CCER2: variants seen among roughly 807,000 people sequenced by gnomAD.
The protein encoded by CCER2 is coiled-coil domain-containing glutamate-rich protein 2.
In CCER2, 20 loss-of-function variants were observed where a neutral mutation model predicts 27.1. That is an observed-to-expected ratio of 0.74 (90% CI 0.52 to 1.07). The LOEUF is 1.07. CCER2 is among the 50% of genes least tolerant of loss of function. The probability of loss-of-function intolerance (pLI) is 0.00; values close to 1 mark genes in which losing one functional copy is unlikely to be tolerated. For synonymous variants in CCER2, 140 were observed against 144.3 expected (o/e 0.97, Z 0.21); for missense variants, 351 against 344.7 (o/e 1.02, Z -0.14).
In CCER2 at chr19:38,909,305, C is replaced by T; in HGVS notation, c.732G>A (p.Leu244=). The T allele has an allele frequency of 6.5e-7, 1 of 1,535,524 alleles. No homozygotes were observed. The highest frequency in any genetic ancestry group is 8.7e-7 in the Non-Finnish European group (1 of 1,146,740). Residue 244 remains leucine (L), a synonymous_variant, in exon 5 of 5, where the codon CTG becomes CTA. Transcript: ENST00000571838. ...TCTTCAGTTCGTCTCTCAAGTGCTC[C>T]AGCTGCTCCACCTCCTTTTCCTGGT... The part of the protein sequence containing the change: ...SEREEKEVEQ[L]EHLRDELKKV...
Position 38,910,834 on chromosome 19 carries a change from G to A in CCER2, c.440C>T (p.Pro147Leu). Reference protein sequence around the residue: ...EEEKEERKRGPMETFEDLWQR... With the variant: ...EEEKEERKRGLMETFEDLWQR... ...CCACAGGTCCTCAAAGGTCTCCATG[G>A]GCCCCCTCTTCCTCTCCTCCTTCTC... The change falls in exon 4 of 5, where the codon CCC (proline) becomes CTC (leucine). Residue 147 changes from proline to leucine, a missense_variant. Transcript: ENST00000571838. 1 of 1,530,350 alleles carries A rather than the reference G, an allele frequency of 6.5e-7. No individual in the cohort carries two copies. Among genetic ancestry groups the A allele is most frequent in the Non-Finnish European group, 8.7e-7 (1 of 1,143,916 alleles). 94.8% of individuals were successfully genotyped at this position (1,530,350 alleles called of 1,614,324 possible).
At position 38,910,736 on chromosome 19, in the gene CCER2, G is replaced by T. The variant is rs1160449141; in HGVS notation, c.538C>A (p.Gln180Lys). 1 of 1,533,500 alleles carries T rather than the reference G, an allele frequency of 6.5e-7. No individual in the cohort carries two copies. The highest frequency in any genetic ancestry group is 8.7e-7 in the Non-Finnish European group (1 of 1,145,634). The allele number at this position is 1,533,500 out of a possible 1,614,324, so 95.0% of individuals were successfully genotyped here. Residue 180 changes from glutamine (Q) to lysine (K), a missense_variant, in exon 4 of 5, where the codon CAG (glutamine) becomes AAG (lysine). Physicochemically the swap from Gln to Lys is moderately conservative, Grantham distance 53. Coordinates refer to ENST00000571838, the MANE Select transcript of CCER2 (RefSeq NM_001243212.2). ...AEKASDKETA[Q>K]FQAEEKGVRV... ...ACCCCCTTCTCCTCTGCCTGGAACTGGGCCGTCTCTTTGTCACTGGCCTTC... is the reference window on the plus strand; with the variant it reads ...ACCCCCTTCTCCTCTGCCTGGAACTTGGCCGTCTCTTTGTCACTGGCCTTC...
In CCER2 at chr19:38,910,552, C is replaced by T. The variant is rs748944969; in HGVS notation, c.711+11G>A. 1.4e-4 allele frequency: 210 copies of T among 1,464,456 alleles called. No individual in the cohort carries two copies. The highest frequency in any genetic ancestry group is 1.7e-4 in the Non-Finnish European group (188 of 1,109,334). The allele number at this position is 1,464,456 out of a possible 1,614,324, so 90.7% of individuals were successfully genotyped here. On this transcript the variant is annotated intron_variant, in intron 4 of 4. Coordinates refer to ENST00000571838, the MANE Select transcript of CCER2 (RefSeq NM_001243212.2). Reference sequence around the variant, plus strand: ...ACTGTGTTGGTGTTCCTCCTTCATCCCCCTACTCACCTCCCTCTCCGAAGC... The same window carrying T: ...ACTGTGTTGGTGTTCCTCCTTCATCTCCCTACTCACCTCCCTCTCCGAAGC...
In CCER2 at chr19:38,909,085, A is replaced by T; in HGVS notation, c.*151T>A. 1.0e-6 allele frequency: 1 copy of T among 989,588 alleles called. No homozygotes were observed. The highest frequency in any genetic ancestry group is 1.6e-5 in the South Asian group (1 of 61,568). The allele number at this position is 989,588 out of a possible 1,614,324, so 61.3% of individuals were successfully genotyped here. The stretch of plus-strand genomic sequence containing the variant: ...GAGCCCAGCCCCCGGCCCAGCTCAG[A>T]CTCACCTCCTTGGGTGTGGTTCCAA... On this transcript the variant is annotated 3_prime_UTR_variant, in exon 5 of 5. Transcript: ENST00000571838.
intron 4 of CCER2, 61 bp from the exon 5 acceptor site, chr19:38,909,386 CTG>C: frequency 6.8e-7 from 1 of 1,462,512 alleles, no homozygotes; most frequent in Non-Finnish European, 9.2e-7. Context: ...ACCTCGGTCA[CTG>C]TGATTGTGGG....
intron 4 of CCER2, among the ~76,000 whole-genome samples, chr19:38,909,992 C>A (rs1469152875): frequency 6.6e-6 from 1 of 152,068 alleles, no homozygotes; most frequent in Non-Finnish European, 1.5e-5. Flanking sequence ...ACCACCTCAG[C>A]CTCCTGAGAG....
rs1228849474 is a variant in CCER2 at position 38,910,696 on chromosome 19, C to T, written c.578G>A (p.Gly193Glu). The T allele has an allele frequency of 2.6e-6, 4 of 1,533,368 alleles. No homozygotes were observed. Among genetic ancestry groups the T allele is most frequent in the Non-Finnish European group, 3.5e-6 (4 of 1,145,560 alleles). 95.0% of individuals were successfully genotyped at this position (1,533,368 alleles called of 1,614,324 possible). ...GGCCCCCTGCCACAGGCTGCGGTCC[C>T]CGCCCAGCACCCGCACCCCCTTCTC... ...AEEKGVRVLG[G>E]DRSLWQGAER... The change falls in exon 4 of 5, where the codon GGG (glycine) becomes GAG (glutamate). Residue 193 changes from glycine (G) to glutamate (E), a missense_variant. By Grantham distance (98) the Gly-to-Glu change is moderately conservative. Transcript: ENST00000571838.
chr19:38,909,432 G>A (rs1974258714), intron 4 of CCER2, 107 bp from the exon 5 acceptor site: 3 of 1,053,644 alleles, frequency 2.8e-6, no homozygotes, highest in South Asian at 2.7e-5. Flanking sequence ...TCCAGCAGCG[G>A]TCGTTCTGAT....
rs965637037 is a variant in CCER2 at position 38,910,977 on chromosome 19, C to T, written c.297G>A (p.Glu99=). 2.7e-5 allele frequency: 41 copies of T among 1,517,324 alleles called. No homozygotes were observed. Among genetic ancestry groups the T allele is most frequent in the Non-Finnish European group, 3.4e-5 (39 of 1,138,116 alleles). The allele number at this position is 1,517,324 out of a possible 1,614,324, so 94.0% of individuals were successfully genotyped here. ...CCTCCTCCTCTTCCTCATCCCTCAC[C>T]TCCTGGCTGGACCTCATCTTCCCAG... ...QEAGKMRSSQ[E]VRDEEEEEVA... Residue 99 remains glutamate, a synonymous_variant, in exon 4 of 5, where the codon GAG becomes GAA. Transcript: ENST00000571838.
chr19:38,912,145 C>T lies in CCER2; in HGVS notation c.14G>A (p.Gly5Glu). Residue 5 changes from glycine to glutamate, a missense_variant, in exon 1 of 5, where the codon GGG becomes GAG. Gly to Glu is a moderately conservative substitution (Grantham distance 98). Transcript: ENST00000571838. Reference protein sequence around the residue: MPPRGPASELLLLRL... With the variant: MPPREPASELLLLRL... ...CAGCAGCAGCAGCTCAGAGGCTGGCCCTCGGGGCGGCATGGTGGGCGTCCA... is the reference window on the plus strand; with the variant it reads ...CAGCAGCAGCAGCTCAGAGGCTGGCTCTCGGGGCGGCATGGTGGGCGTCCA... 1.3e-6 allele frequency: 2 copies of T among 1,496,922 alleles called. No homozygotes were observed. The highest frequency in any genetic ancestry group is 2.6e-5 in the South Asian group (2 of 77,996). 92.7% of individuals were successfully genotyped at this position (1,496,922 alleles called of 1,614,324 possible).
chr19:38,909,404 T>G, intron 4 of CCER2, 79 bp from the exon 5 acceptor site: 1 of 1,305,758 alleles, frequency 7.7e-7, no homozygotes, highest in Non-Finnish European at 1.0e-6. Flanking sequence ...GTGGGCCATG[T>G]CGGTTCTCAT....
At position 38,911,178 on chromosome 19, in the gene CCER2, G is replaced by A. The variant is rs1160287922; in HGVS notation, c.191-95C>T. 24 of 1,245,690 alleles carry A rather than the reference G, an allele frequency of 1.9e-5. No homozygotes were observed. The East Asian group carries it at 5.8e-4, about 30-fold the overall frequency. 77.2% of individuals were successfully genotyped at this position (1,245,690 alleles called of 1,614,324 possible). A position where few individuals can be genotyped will look rare whatever the true frequency, so the allele number is the denominator to read the frequency against. ...GCCTGTAATCTCAGCACTTTGGGAG[G>A]CCGTGGCGGCCGATCACCTGAGGTC... On this transcript the variant is annotated intron_variant, in intron 3 of 4. Transcript: ENST00000571838.
chr19:38,911,432 C>T (rs778362318), intron 3 of CCER2, 134 bp downstream of exon 3: 5 of 769,590 alleles, frequency 6.5e-6, no homozygotes, highest in Non-Finnish European at 1.0e-5. Flanking sequence ...GGCAACAGGG[C>T]TCTGGGAATG....
At chr19:38,911,197 T>G (rs927811330) in intron 3 of CCER2, 114 bp from the exon 4 acceptor site, 10 of 1,122,754 alleles carry the variant, frequency 8.9e-6, no homozygotes, top group Non-Finnish European at 1.2e-5. Flanking sequence ...GCCGATCACC[T>G]GAGGTCAGGA....
In CCER2 at chr19:38,911,641, G is replaced by C; in HGVS notation, c.115C>G (p.Leu39Val). 1.3e-6 allele frequency: 2 copies of C among 1,535,568 alleles called. No individual in the cohort carries two copies. Among genetic ancestry groups the C allele is most frequent in the Non-Finnish European group, 1.7e-6 (2 of 1,146,740 alleles). The change falls in exon 3 of 5, where the codon CTG becomes GTG. Residue 39 changes from leucine to valine, a missense_variant. Coordinates refer to ENST00000571838, the MANE Select transcript of CCER2 (RefSeq NM_001243212.2). ...AGCACCTCTGTGACCACCTCTGCCA[G>C]ACAGCGGGTCAGCTGGGGGGCAGGG... is the stretch of plus-strand genomic sequence containing the variant. ...RPSKEELTRCLAEVVTEVLTV... is the reference protein window; with the variant it reads ...RPSKEELTRCVAEVVTEVLTV...
At position 38,911,982 on chromosome 19, in the gene CCER2, C is replaced by T. The variant is rs1364011643; in HGVS notation, c.61+116G>A. ...CCCACCCGGCGGGTGTACTGTCCCC[C>T]GCTGGAGGCTCGGCCCCTGAAGCCT... On this transcript the variant is annotated intron_variant, in intron 1 of 4. Coordinates refer to ENST00000571838, the MANE Select transcript of CCER2 (RefSeq NM_001243212.2). The T allele has an allele frequency of 4.3e-5, 63 of 1,475,970 alleles. No homozygotes were observed. In the South Asian group the frequency reaches 5.4e-4, roughly 13 times the overall value. 91.4% of individuals were successfully genotyped at this position (1,475,970 alleles called of 1,614,324 possible). A position where few individuals can be genotyped will look rare whatever the true frequency, so the allele number is the denominator to read the frequency against.
chr19:38,911,774 A>G (rs547028847), intron 2 of CCER2, 38 bp downstream of exon 2: 1 of 1,533,700 alleles, frequency 6.5e-7, no homozygotes, highest in East Asian at 2.4e-5. Context: ...GCAGGGCCCC[A>G]GCTAGGTGAG....
At position 38,909,160 on chromosome 19, in the gene CCER2, G is replaced by C; in HGVS notation, c.*76C>G. 1 of 1,422,888 alleles carries C rather than the reference G, an allele frequency of 7.0e-7. No individual in the cohort carries two copies. Among genetic ancestry groups the C allele is most frequent in the Non-Finnish European group, 9.6e-7 (1 of 1,046,310 alleles). 88.1% of individuals were successfully genotyped at this position (1,422,888 alleles called of 1,614,324 possible). ...TGGGTAGGGGTGGCGTGGGGTGCTA[G>C]GTGAGGTGGAGGCTTCGGGGTCAAC... On this transcript the variant is annotated 3_prime_UTR_variant, in exon 5 of 5. Coordinates refer to ENST00000571838, the MANE Select transcript of CCER2 (RefSeq NM_001243212.2).
At position 38,912,118 on chromosome 19, in the gene CCER2, C is replaced by CGCAGCA. The variant is rs1456915381; in HGVS notation, c.35_40dup (p.Leu12_Leu13dup). ...CTCACCCGCCCCCAGCAGGAGCAGC[C>CGCAGCA]GCAGCAGCAGCAGCTCAGAGGCTGG... is the stretch of plus-strand genomic sequence containing the variant. On this transcript the variant is annotated inframe_insertion, in exon 1 of 5. Coordinates refer to ENST00000571838, the MANE Select transcript of CCER2 (RefSeq NM_001243212.2). The CGCAGCA allele has an allele frequency of 1.3e-6, 2 of 1,515,178 alleles. No homozygotes were observed. Among genetic ancestry groups the CGCAGCA allele is most frequent in the African/African-American group, 2.8e-5 (2 of 72,168 alleles). 93.9% of individuals were successfully genotyped at this position (1,515,178 alleles called of 1,614,324 possible). A position where few individuals can be genotyped will look rare whatever the true frequency, so the allele number is the denominator to read the frequency against.
Sources: allele counts gnomAD v4.1 joint callset (sites outside exome capture counted in the v4.1 genomes callset), GRCh38; gene constraint gnomAD v4.1.1; transcripts MANE v1.5; gene names NCBI Gene and HGNC (gene_info 2026-07-23, HGNC 2026-07-21).